The following OR2L13 variants were observed in gnomAD, a reference collection of about 807,000 sequenced individuals.
OR2L13 encodes olfactory receptor 2L13.
OR2L13 carries 14 observed loss-of-function variants against 15.3 expected under a neutral mutation model. The observed-to-expected ratio is 0.91, with a 90% CI of 0.60 to 1.43. OR2L13 has a LOEUF of 1.43. OR2L13 is among the 40% of genes most tolerant of loss of function. OR2L13 has a pLI of 0.00. For missense variants in OR2L13, 367 were observed against 387.9 expected (o/e 0.95, Z 0.45); for synonymous variants, 152 against 142.9 (o/e 1.06, Z -0.45).
chr1:248,035,057 T>A, the OR2L13 span, among the ~76,000 whole-genome samples: 1 of 152,024 alleles, frequency 6.6e-6, no homozygotes, highest in Non-Finnish European at 1.5e-5. Flanking sequence ...TCCCTTTTTT[T>A]TTTTTTTTGT....
the OR2L13 span, chr1:247,939,775 T>A: frequency 3.3e-5 from 5 of 152,218 alleles, no homozygotes; most frequent in African/African-American, 9.7e-5. Flanking sequence ...ATAAAGTTTT[T>A]ACATATGTTT....
At chr1:248,055,257 G>A in the OR2L13 span, among the ~76,000 whole-genome samples, 1 of 152,168 alleles carries the variant, frequency 6.6e-6, no homozygotes, top group Non-Finnish European at 1.5e-5. Context: ...ATTTGTGTAT[G>A]TACAACCAGC....
the OR2L13 span, chr1:248,042,058 A>G: frequency 6.6e-6 from 1 of 152,140 alleles, no homozygotes; most frequent in Non-Finnish European, 1.5e-5. Flanking sequence ...ATGCACACCT[A>G]TGTTTATTGC....
At chr1:247,940,501 A>G in the OR2L13 span, among the ~76,000 whole-genome samples, 23 of 152,296 alleles carry the variant, frequency 1.5e-4, no homozygotes, top group African/African-American at 5.1e-4. Flanking sequence ...AATGGGTGAA[A>G]GTGTTACTTT....
the OR2L13 span, among the ~76,000 whole-genome samples, chr1:248,076,673 G>A: frequency 2.0e-5 from 3 of 152,158 alleles, no homozygotes; most frequent in Non-Finnish European, 4.4e-5. Context: ...GAATCCTTGT[G>A]ATTTTTGCAC....
the OR2L13 span, among the ~76,000 whole-genome samples, chr1:248,049,292 T>C: frequency 6.6e-6 from 1 of 152,224 alleles, no homozygotes; most frequent in Non-Finnish European, 1.5e-5. Flanking sequence ...CATCTCACTT[T>C]CAACTCTAAA....
the OR2L13 span, among the ~76,000 whole-genome samples, chr1:247,993,840 C>G: frequency 2.4e-5 from 3 of 123,410 alleles, no homozygotes; most frequent in African/African-American, 9.1e-5. Flanking sequence ...AGAGAGAGAC[C>G]TTGTCATGAA....
chr1:248,003,411 C>T, the OR2L13 span: 11 of 1,609,950 alleles, frequency 6.8e-6, no homozygotes, highest in South Asian at 9.9e-5. Context: ...ATCTCCTTCA[C>T]TGGGTGTGGG....
the OR2L13 span, among the ~76,000 whole-genome samples, chr1:247,989,317 T>C: frequency 6.6e-6 from 1 of 152,158 alleles, no homozygotes; most frequent in Non-Finnish European, 1.5e-5. Flanking sequence ...AAATGAGCCA[T>C]AGGCTGCTGC....
chr1:248,011,821 A>G, the OR2L13 span, among the ~76,000 whole-genome samples: 1 of 152,130 alleles, frequency 6.6e-6, no homozygotes, highest in African/African-American at 2.4e-5. Flanking sequence ...GTGGGCCTGT[A>G]TCAATCCTCC....
At chr1:247,989,326 G>T in the OR2L13 span, among the ~76,000 whole-genome samples, 8 of 152,118 alleles carry the variant, frequency 5.3e-5, no homozygotes, top group Non-Finnish European at 1.2e-4. Flanking sequence ...ATAGGCTGCT[G>T]CAGTTTTAAA....
the OR2L13 span, among the ~76,000 whole-genome samples, chr1:247,940,754 G>GTA: frequency 6.7e-6 from 1 of 149,952 alleles, no homozygotes; most frequent in Non-Finnish European, 1.5e-5. Context: ...GTGTGTGTGT[G>GTA]TGCGCGCGCT....
At chr1:248,023,463 T>C in the OR2L13 span, 3 of 152,382 alleles carry the variant, frequency 2.0e-5, no homozygotes, top group African/African-American at 7.2e-5. Context: ...CCTCTTAGAC[T>C]ACAGTTGACT....
chr1:248,096,684 T>C (rs74153068), upstream of OR2L13, among the ~76,000 whole-genome samples: 10,571 of 152,222 alleles, frequency 0.069, 1,237 homozygotes, highest in African/African-American at 0.24. Flanking sequence ...TGCTGATTGT[T>C]TAAAAGAGTT....
the OR2L13 span, among the ~76,000 whole-genome samples, chr1:247,947,550 G>T: frequency 3.3e-5 from 5 of 152,150 alleles, no homozygotes; most frequent in African/African-American, 1.2e-4. Flanking sequence ...TTTTATTTAG[G>T]CAATTGCATG....
the OR2L13 span, among the ~76,000 whole-genome samples, chr1:248,082,845 CA>C: frequency 6.6e-6 from 1 of 152,080 alleles, no homozygotes; most frequent in South Asian, 2.1e-4. Context: ...TGTTAACATT[CA>C]GCATGATTAT....
chr1:248,092,613 A>G (rs1664625683), upstream of OR2L13, among the ~76,000 whole-genome samples: 1 of 152,182 alleles, frequency 6.6e-6, no homozygotes, highest in Admixed American at 6.5e-5. Context: ...CACAAATTAT[A>G]CCTGCCTCAC....
chr1:247,939,414 A>G, the OR2L13 span: 1 of 152,202 alleles, frequency 6.6e-6, no homozygotes, highest in African/African-American at 2.4e-5. Context: ...TCATGATTGC[A>G]GTTGTAACAT....
the OR2L13 span, among the ~76,000 whole-genome samples, chr1:248,020,178 C>G: frequency 6.6e-6 from 1 of 152,238 alleles, no homozygotes; most frequent in South Asian, 2.1e-4. Flanking sequence ...GACAAGGATG[C>G]CCACTCTCAC....
Sources: gnomAD v4.1 joint callset for allele counts (sites outside exome capture counted in the v4.1 genomes callset) on GRCh38, gnomAD v4.1.1 for gene constraint, MANE v1.5 for transcripts, NCBI Gene and HGNC (gene_info 2026-07-23, HGNC 2026-07-21) for gene names.